FBXL5: variants seen among roughly 807,000 people sequenced by gnomAD.
FBXL5 encodes F-box and leucine rich repeat protein 5.
FBXL5 carries 26 observed loss-of-function variants against 78.3 expected under a neutral mutation model. The observed-to-expected ratio is 0.33, with a 90% CI of 0.24 to 0.46. The LOEUF (loss-of-function observed/expected upper bound fraction) is 0.46. FBXL5 is among the 20% of genes least tolerant of loss of function. The pLI, the probability that FBXL5 is intolerant of heterozygous loss-of-function variation, is 1.00. For synonymous variants in FBXL5, 295 were observed against 282.5 expected (o/e 1.04, Z -0.45); for missense variants, 710 against 829.2 (o/e 0.86, Z 1.77).
chr4:15,630,202 A>G (rs74855186), intron 6 of FBXL5, among the ~76,000 whole-genome samples: 2,477 of 152,322 alleles, frequency 0.016, 71 homozygotes, highest in African/African-American at 0.056. Flanking sequence ...TTTACAAACA[A>G]TATTTATGTA....
At chr4:15,635,551 C>T (rs763454764) in intron 5 of FBXL5, among the ~76,000 whole-genome samples, 1 of 151,832 alleles carries the variant, frequency 6.6e-6, no homozygotes, top group Non-Finnish European at 1.5e-5. Context: ...GTCAGGAATT[C>T]GAGACCAGCC....
upstream of FBXL5, chr4:15,656,150 A>C (rs890691809): frequency 1.3e-5 from 6 of 455,676 alleles, no homozygotes; most frequent in South Asian, 9.3e-5. Flanking sequence ...TGAATAATGG[A>C]AGGTTGGTGC....
intron 1 of FBXL5, among the ~76,000 whole-genome samples, chr4:15,673,835 C>T (rs1218763557): frequency 2.0e-5 from 3 of 152,198 alleles, no homozygotes; most frequent in African/African-American, 7.2e-5. Context: ...CACTAGGCTG[C>T]ATATGTTCCC....
At chr4:15,642,961 A>G (rs954767012) in intron 2 of FBXL5, among the ~76,000 whole-genome samples, 5 of 152,014 alleles carry the variant, frequency 3.3e-5, no homozygotes, top group Admixed American at 6.6e-5. Flanking sequence ...ACATTCTATC[A>G]ATTTTATTTC....
At chr4:15,651,482 T>C (rs1439207012) in intron 1 of FBXL5, among the ~76,000 whole-genome samples, 1 of 152,176 alleles carries the variant, frequency 6.6e-6, no homozygotes, top group Non-Finnish European at 1.5e-5. Flanking sequence ...CTCATTAAAT[T>C]CCCTTTTCCT....
upstream of FBXL5, among the ~76,000 whole-genome samples, chr4:15,662,917 ATCTT>A (rs1458066373): frequency 1.3e-5 from 2 of 152,230 alleles, no homozygotes; most frequent in African/African-American, 4.8e-5. Context: ...TGTCAGAATA[ATCTT>A]TCTGTCACTG....
upstream of FBXL5, among the ~76,000 whole-genome samples, chr4:15,664,822 G>T (rs989359615): frequency 7.9e-5 from 12 of 151,920 alleles, no homozygotes; most frequent in Admixed American, 7.9e-4. Context: ...GCCTCCCAAA[G>T]TGCTGGGATT....
intron 1 of FBXL5, among the ~76,000 whole-genome samples, chr4:15,668,471 G>T (rs961403691): frequency 6.7e-6 from 1 of 149,512 alleles, no homozygotes. Context: ...ATTTTTTTTT[G>T]TACTTGGTTT....
intron 1 of FBXL5, among the ~76,000 whole-genome samples, chr4:15,673,752 A>C (rs1345022015): frequency 6.6e-6 from 1 of 152,178 alleles, no homozygotes; most frequent in East Asian, 1.9e-4. Flanking sequence ...CTCTCTATGC[A>C]GCTCTCTCCC....
At chr4:15,659,159 T>C (rs1717179622), upstream of FBXL5, among the ~76,000 whole-genome samples, 1 of 152,184 alleles carries the variant, frequency 6.6e-6, no homozygotes, top group Non-Finnish European at 1.5e-5. Flanking sequence ...ATTAATTTCT[T>C]AGCAGTTTTA....
intron 6 of FBXL5, among the ~76,000 whole-genome samples, chr4:15,628,773 ACACACACACACACACG>A (rs1019046567): frequency 6.4e-4 from 4 of 6,288 alleles, no homozygotes; most frequent in South Asian, 9.8e-3. Flanking sequence ...CCAGACACAG[ACACACACACACACACG>A]CACACACACA....
intron 1 of FBXL5, among the ~76,000 whole-genome samples, chr4:15,667,302 T>C (rs566908348): frequency 1.6e-4 from 25 of 152,324 alleles, no homozygotes; most frequent in Non-Finnish European, 2.2e-4. Flanking sequence ...GCATATGATA[T>C]AGGCACTCAA....
upstream of FBXL5, chr4:15,656,268 C>G (rs1458031564): frequency 8.8e-6 from 4 of 456,164 alleles, no homozygotes; most frequent in South Asian, 6.2e-5. Flanking sequence ...ATCGCCTGGC[C>G]CTGGCCACAG....
intron 5 of FBXL5, among the ~76,000 whole-genome samples, chr4:15,633,347 CA>C (rs1489282825): frequency 1.3e-5 from 2 of 152,122 alleles, no homozygotes; most frequent in East Asian, 3.9e-4. Context: ...TCACGATGAG[CA>C]AACAATTTCC....
At chr4:15,666,002 T>G (rs1297194276) in intron 1 of FBXL5, among the ~76,000 whole-genome samples, 1 of 150,284 alleles carries the variant, frequency 6.7e-6, no homozygotes, top group Non-Finnish European at 1.5e-5. Context: ...TTGCCTCAAT[T>G]TCCTACTGAC....
intron 1 of FBXL5, among the ~76,000 whole-genome samples, chr4:15,670,461 T>C (rs1247316832): frequency 4.6e-5 from 7 of 152,242 alleles, no homozygotes; most frequent in African/African-American, 7.2e-5. Flanking sequence ...CCATCATATC[T>C]TTTTTCATCC....
At chr4:15,653,988 T>C (rs868031768) in intron 1 of FBXL5, among the ~76,000 whole-genome samples, 23 of 152,228 alleles carry the variant, frequency 1.5e-4, no homozygotes, top group African/African-American at 4.8e-4. Context: ...TTCCAACTCA[T>C]GTGAACTGGG....
intron 9 of FBXL5, among the ~76,000 whole-genome samples, chr4:15,618,155 A>T (rs1712101520): frequency 1.3e-5 from 2 of 151,962 alleles, no homozygotes; most frequent in Admixed American, 1.3e-4. Context: ...AGCTTTAGCT[A>T]GATTAAGAAA....
In FBXL5 at chr4:15,652,805, T is replaced by C. The variant is rs192266677; in HGVS notation, c.84+2399A>G. Among the ~76,000 whole-genome samples the C allele has an allele frequency of 1.2e-4, 19 of 152,320 alleles. No individual in the cohort carries two copies. In the East Asian group the frequency reaches 2.9e-3, roughly 23 times the overall value. Reference sequence around the variant, plus strand: ...ATAACTGGGCATTCAGAGCCCAAATTTGTACAGTGAAATAACTATTTTGTA... The same window carrying C: ...ATAACTGGGCATTCAGAGCCCAAATCTGTACAGTGAAATAACTATTTTGTA... On this transcript the variant is annotated intron_variant, in intron 1 of 10. Coordinates refer to ENST00000341285, the MANE Select transcript of FBXL5 (RefSeq NM_012161.4).
Sources: allele counts gnomAD v4.1 joint callset (sites outside exome capture counted in the v4.1 genomes callset), GRCh38; gene constraint gnomAD v4.1.1; transcripts MANE v1.5; gene names NCBI Gene and HGNC (gene_info 2026-07-23, HGNC 2026-07-21).